ALCAM: variants seen among roughly 807,000 people sequenced by gnomAD.
The protein encoded by ALCAM is activated leukocyte cell adhesion molecule.
A neutral mutation model predicts 70.9 loss-of-function variants in ALCAM; 30 were observed. The observed-to-expected ratio is 0.42, with a 90% confidence interval of 0.32 to 0.57. The LOEUF is 0.57. Among genes scored for constraint, ALCAM ranks in the 20% least tolerant of loss-of-function variants. The pLI is 0.11. For synonymous variants in ALCAM, 249 were observed against 242.5 expected, an observed-to-expected ratio of 1.03 and a Z score of -0.25; for missense variants, 591 against 695.1, an observed-to-expected ratio of 0.85 and a Z score of 1.68.
rs1412875292 is a variant in ALCAM at position 105,567,227 on chromosome 3, C to A, written c.1665-4625C>A. ...CTATGATTAACTTGAGTGTGTTTTT[C>A]CTTTTGCATTTCCTCCTTCCGGACT... is the stretch of plus-strand genomic sequence containing the variant. On this transcript the variant is annotated intron_variant, in intron 14 of 15. Transcript: ENST00000306107. 2.0e-5 allele frequency among the ~76,000 whole-genome samples: 3 copies of A among 152,168 alleles called. No individual in the cohort carries two copies. In the East Asian group the frequency reaches 5.8e-4, roughly 29 times the overall value.
Position 105,553,133 on chromosome 3 carries a change from G to A in ALCAM, c.1664+548G>A, listed in dbSNP as rs892047999. On this transcript the variant is annotated intron_variant, in intron 14 of 15. Coordinates refer to ENST00000306107, the MANE Select transcript of ALCAM (RefSeq NM_001627.4). ...CTTGAGTTTTTAAAAATGGATTAAA[G>A]TACCAACACTACATTAAAAATGCTT... 4.2e-6 allele frequency: 4 copies of A among 954,654 alleles called. No individual in the cohort carries two copies. In the African/African-American group the frequency reaches 5.3e-5, roughly 13 times the overall value. The allele number at this position is 954,654 out of a possible 1,614,324, so 59.1% of individuals were successfully genotyped here.
chr3:105,435,235 C>G (rs1415362284), intron 1 of ALCAM, among the ~76,000 whole-genome samples: 1 of 152,194 alleles, frequency 6.6e-6, no homozygotes, highest in African/African-American at 2.4e-5. Context: ...TTAATTATAA[C>G]TGATGTCATA....
chr3:105,374,072 G>A (rs1020679209), intron 1 of ALCAM, among the ~76,000 whole-genome samples: 4 of 152,214 alleles, frequency 2.6e-5, no homozygotes, highest in African/African-American at 9.6e-5. Flanking sequence ...AAAGACTTTG[G>A]TCATTGGAGA....
chr3:105,533,753 C>T (rs1057144989), intron 5 of ALCAM, 63 bp downstream of exon 5: 2 of 1,492,224 alleles, frequency 1.3e-6, no homozygotes, highest in African/African-American at 1.4e-5. Flanking sequence ...TTTCTTTGTT[C>T]TAGGTATTCT....
intron 1 of ALCAM, among the ~76,000 whole-genome samples, chr3:105,369,785 G>A (rs1250366495): frequency 1.3e-5 from 2 of 152,080 alleles, no homozygotes; most frequent in Admixed American, 6.5e-5. Context: ...CTTTCGGCTT[G>A]TAGTCGCTAC....
At chr3:105,548,824 T>C (rs973211218) in intron 11 of ALCAM, among the ~76,000 whole-genome samples, 2 of 151,482 alleles carry the variant, frequency 1.3e-5, no homozygotes, top group African/African-American at 2.4e-5. Context: ...TGCAGATCTA[T>C]TTTTAGCATC....
intron 1 of ALCAM, among the ~76,000 whole-genome samples, chr3:105,397,021 A>G (rs1173005782): frequency 1.3e-5 from 2 of 152,060 alleles, no homozygotes; most frequent in East Asian, 1.9e-4. Flanking sequence ...GGCTATATCA[A>G]TTGGTGTGCT....
chr3:105,552,542 C>CTTG lies in ALCAM; in HGVS notation c.1625_1627dup (p.Val542dup). The CTTG allele has an allele frequency of 6.2e-7, 1 of 1,611,696 alleles. No individual in the cohort carries two copies. The highest frequency in any genetic ancestry group is 8.5e-7 in the Non-Finnish European group (1 of 1,178,322). On this transcript the variant is annotated inframe_insertion, in exon 14 of 16. Coordinates refer to ENST00000306107, the MANE Select transcript of ALCAM (RefSeq NM_001627.4). ...CGTTGTTGGTCTCCTCCTTGCTGCC[C>CTTG]TTGTTGCTGGTGTCGTCTACTGGCT...
Position 105,571,850 on chromosome 3 carries a change from A to T in ALCAM, c.1665-2A>T. On this transcript the variant is annotated splice_acceptor_variant, in intron 14 of 15. Transcript: ENST00000306107. LOFTEE classifies it high-confidence loss of function. ...GATGAAGTTTATTTAATTCTCTTACAGGACTGCATCAAAACATGTAAACAA... is the reference window on the plus strand; with the variant it reads ...GATGAAGTTTATTTAATTCTCTTACTGGACTGCATCAAAACATGTAAACAA... The T allele has an allele frequency of 6.2e-7, 1 of 1,600,932 alleles. No homozygotes were observed. Among genetic ancestry groups the T allele is most frequent in the Non-Finnish European group, 8.5e-7 (1 of 1,170,150 alleles).
intron 1 of ALCAM, chr3:105,440,944 A>C (rs1366089428): frequency 1.3e-5 from 2 of 152,230 alleles, no homozygotes; most frequent in Admixed American, 6.5e-5. Flanking sequence ...TGGAAACAGG[A>C]CAGAAAGGTG....
intron 1 of ALCAM, among the ~76,000 whole-genome samples, chr3:105,510,963 C>T (rs939285695): frequency 6.6e-6 from 1 of 151,966 alleles, no homozygotes; most frequent in East Asian, 1.9e-4. Context: ...ACGGGAGGCA[C>T]CTTCAGATGC....
At chr3:105,377,425 A>AAAG (rs968847206) in intron 1 of ALCAM, among the ~76,000 whole-genome samples, 1 of 152,132 alleles carries the variant, frequency 6.6e-6, no homozygotes, top group African/African-American at 2.4e-5. Context: ...ATTACTGCTC[A>AAAG]AAGAGTACAC....
chr3:105,478,811 A>G (rs1440214254), intron 1 of ALCAM, among the ~76,000 whole-genome samples: 1 of 152,132 alleles, frequency 6.6e-6, no homozygotes, highest in Non-Finnish European at 1.5e-5. Context: ...AAATCTCAAG[A>G]TTGTGATTTT....
intron 1 of ALCAM, among the ~76,000 whole-genome samples, chr3:105,420,658 A>G (rs773180014): frequency 1.2e-4 from 18 of 151,812 alleles, no homozygotes; most frequent in Non-Finnish European, 2.4e-4. Flanking sequence ...CCATTTAGAG[A>G]AAGTCTACCA....
chr3:105,570,493 G>A (rs1478931516), intron 14 of ALCAM, among the ~76,000 whole-genome samples: 4 of 152,020 alleles, frequency 2.6e-5, no homozygotes, highest in African/African-American at 7.2e-5. Context: ...AATACACATC[G>A]ATAGAAGACA....
intron 1 of ALCAM, among the ~76,000 whole-genome samples, chr3:105,517,678 GTT>G (rs1188636967): frequency 6.6e-6 from 1 of 152,100 alleles, no homozygotes. Context: ...TGTGTTTGCT[GTT>G]TGTTTCTCCT....
intron 14 of ALCAM, among the ~76,000 whole-genome samples, chr3:105,568,383 G>T (rs1940791953): frequency 6.6e-6 from 1 of 152,128 alleles, no homozygotes; most frequent in Non-Finnish European, 1.5e-5. Context: ...GAGCCACTGA[G>T]CCCAGCCTGT....
At chr3:105,518,307 T>G (rs566361539) in intron 1 of ALCAM, among the ~76,000 whole-genome samples, 99 of 152,204 alleles carry the variant, frequency 6.5e-4, no homozygotes, top group Middle Eastern at 3.4e-3. Flanking sequence ...CCTCTCAAAA[T>G]TATTACATAT....
chr3:105,524,365 C>T lies in ALCAM; in HGVS notation c.251C>T (p.Pro84Leu), dbSNP rs141090189. ...TKKSVQYDDVPEYKDRLNLSE... is the reference protein window; with the variant it reads ...TKKSVQYDDVLEYKDRLNLSE... ...AAAAGTGTGCAGTACGACGATGTAC[C>T]AGAATACAAAGACAGATTGAACCTC... Residue 84 changes from proline to leucine, a missense_variant, in exon 3 of 16, where the codon CCA becomes CTA. By Grantham distance (98) the Pro-to-Leu change is moderately conservative (BLOSUM62 -3). This residue lies in a region of ALCAM where 427 missense variants were observed against 450.4 expected (regional missense o/e 0.95). Transcript: ENST00000306107. 8.2e-4 allele frequency: 1,331 copies of T among 1,613,970 alleles called. 10 individuals carry two copies. In the African/African-American group the frequency reaches 0.016, roughly 19 times the overall value.
Sources: allele counts gnomAD v4.1 joint callset (sites outside exome capture counted in the v4.1 genomes callset), GRCh38; gene constraint gnomAD v4.1.1; regional missense constraint gnomAD v4.1.1; transcripts MANE v1.5; gene names NCBI Gene and HGNC (gene_info 2026-07-23, HGNC 2026-07-21).